Variants in PCED1B observed in about 807,000 individuals in gnomAD.
The protein encoded by PCED1B is PC-esterase domain-containing protein 1B.
For missense variants in PCED1B, 573 were observed against 573.9 expected (o/e 1.00, Z 0.02); for synonymous variants, 251 against 246.1 (o/e 1.02, Z -0.19).
intron 2 of PCED1B, among the ~76,000 whole-genome samples, chr12:47,129,766 G>C (rs1940047163): frequency 6.6e-6 from 1 of 152,182 alleles, no homozygotes; most frequent in Non-Finnish European, 1.5e-5. Flanking sequence ...ACAAAGGATG[G>C]AGAGGAGACC....
chr12:47,201,543 G>A (rs952015532), intron 2 of PCED1B, among the ~76,000 whole-genome samples: 10 of 151,962 alleles, frequency 6.6e-5, no homozygotes, highest in East Asian at 1.9e-4. Context: ...AAGGTTGGGC[G>A]TTACAATACT....
At chr12:47,204,280 T>TTATATG (rs147608459) in intron 2 of PCED1B, among the ~76,000 whole-genome samples, 31,195 of 151,984 alleles carry the variant, frequency 0.21, 4,082 homozygotes, top group Non-Finnish European at 0.3. Context: ...TTTTTTCTAA[T>TTATATG]TATGTGAAGA....
intron 2 of PCED1B, among the ~76,000 whole-genome samples, chr12:47,127,273 C>T (rs77302389): frequency 0.03 from 4,542 of 151,670 alleles, 179 homozygotes; most frequent in African/African-American, 0.088. Context: ...TTATAATTTC[C>T]GTTTGATTTC....
At chr12:47,091,515 A>G (rs920609736) in intron 1 of PCED1B, among the ~76,000 whole-genome samples, 2 of 152,046 alleles carry the variant, frequency 1.3e-5, no homozygotes, top group African/African-American at 2.4e-5. Flanking sequence ...TTTTCACTCA[A>G]TTTGGGGGAA....
chr12:47,090,900 A>T (rs1193761589), intron 1 of PCED1B, among the ~76,000 whole-genome samples: 1 of 150,326 alleles, frequency 6.7e-6, no homozygotes, highest in African/African-American at 2.5e-5. Context: ...TTGTTCCAAA[A>T]ATTGGAACAA....
chr12:47,175,551 A>AGTAT (rs34227779), intron 2 of PCED1B, among the ~76,000 whole-genome samples: 2,763 of 151,452 alleles, frequency 0.018, 34 homozygotes, highest in African/African-American at 0.036. Flanking sequence ...TACTTCTTTC[A>AGTAT]GTATGTATGT....
chr12:47,154,758 G>A (rs1249216809), intron 2 of PCED1B, among the ~76,000 whole-genome samples: 1 of 141,454 alleles, frequency 7.1e-6, no homozygotes, highest in African/African-American at 2.7e-5. Flanking sequence ...TGTAGTGTAG[G>A]ACAGAGGGGT....
At chr12:47,177,389 A>G (rs1295340188) in intron 2 of PCED1B, among the ~76,000 whole-genome samples, 1 of 152,216 alleles carries the variant, frequency 6.6e-6, no homozygotes, top group Admixed American at 6.5e-5. Context: ...ATTTTGGCTG[A>G]CTGACTGCTA....
chr12:47,229,028 T>G (rs563471274), intron 3 of PCED1B, among the ~76,000 whole-genome samples: 36 of 152,020 alleles, frequency 2.4e-4, no homozygotes, highest in African/African-American at 8.0e-4. Flanking sequence ...GCAGAACAAA[T>G]ATTGTAATCT....
Position 47,235,145 on chromosome 12 carries a change from G to A in PCED1B, c.82G>A (p.Ala28Thr). The change falls in exon 4 of 4, where the codon GCA (alanine) becomes ACA (threonine). Residue 28 changes from alanine (A) to threonine (T), a missense_variant. Coordinates refer to ENST00000546455, the MANE Select transcript of PCED1B (RefSeq NM_138371.3). ...VVILGDSVHR[A>T]VYKDLVLLLQ... ...CATCCTGGGGGACTCTGTGCATAGG[G>A]CAGTATACAAGGACCTGGTGCTTCT... The A allele has an allele frequency of 6.4e-7, 1 of 1,573,422 alleles. No individual in the cohort carries two copies. Among genetic ancestry groups the A allele is most frequent in the Non-Finnish European group, 8.6e-7 (1 of 1,159,230 alleles).
At chr12:47,190,788 G>T (rs982289573) in intron 2 of PCED1B, among the ~76,000 whole-genome samples, 3 of 152,186 alleles carry the variant, frequency 2.0e-5, no homozygotes, top group African/African-American at 7.2e-5. Context: ...ATTCAAATTG[G>T]CTACAGCATG....
Position 47,089,461 on chromosome 12 carries a change from C to CATGTATATATATATATAT in PCED1B, c.-609+9738_-609+9739insGTATATATATATATATAT, listed in dbSNP as rs1233280547. ...GACTCCATCTCAAAAAAAAAAAATA[C>CATGTATATATATATATAT]ATATATATATATATATATATATATA... On this transcript the variant is annotated intron_variant, in intron 1 of 3. Coordinates refer to ENST00000546455, the MANE Select transcript of PCED1B (RefSeq NM_138371.3). Among the ~76,000 whole-genome samples the CATGTATATATATATATAT allele has an allele frequency of 5.0e-3, 314 of 63,364 alleles. 23 individuals carry two copies. Among genetic ancestry groups the CATGTATATATATATATAT allele is most frequent in the Admixed American group, 0.012 (46 of 3,742 alleles). The allele number at this position is 63,364 out of a possible 152,430, so 41.6% of individuals were successfully genotyped here.
At chr12:47,164,804 C>T (rs1269251508) in intron 2 of PCED1B, among the ~76,000 whole-genome samples, 2 of 152,346 alleles carry the variant, frequency 1.3e-5, no homozygotes, top group East Asian at 1.9e-4. Context: ...ATGTGGACCT[C>T]GATGCTGCCA....
At chr12:47,113,985 T>C (rs1443087219) in intron 2 of PCED1B, among the ~76,000 whole-genome samples, 1 of 145,372 alleles carries the variant, frequency 6.9e-6, no homozygotes, top group African/African-American at 2.5e-5. Flanking sequence ...CACACACACA[T>C]AATTTATTTA....
At chr12:47,133,363 C>G (rs1940211195) in intron 2 of PCED1B, among the ~76,000 whole-genome samples, 1 of 152,154 alleles carries the variant, frequency 6.6e-6, no homozygotes, top group Non-Finnish European at 1.5e-5. Flanking sequence ...TGTGGCATCC[C>G]TTGTCCAGGG....
chr12:47,080,914 A>C lies in PCED1B; in HGVS notation c.-609+1189A>C, dbSNP rs543247322. Among the ~76,000 whole-genome samples, 419 of 152,090 alleles carry C rather than the reference A, an allele frequency of 2.8e-3. 5 individuals are homozygous for C. The highest frequency in any genetic ancestry group is 9.6e-3 in the African/African-American group (397 of 41,490). On this transcript the variant is annotated intron_variant, in intron 1 of 3. Transcript: ENST00000546455. ...AGCGTGCTCGTGGCGCGTGCGGGAC[A>C]GGGAAGTAAGGGGCGTGTGCGCGGA... is the stretch of plus-strand genomic sequence containing the variant.
intron 2 of PCED1B, among the ~76,000 whole-genome samples, chr12:47,214,191 A>G (rs1447298709): frequency 6.6e-6 from 1 of 152,244 alleles, no homozygotes; most frequent in Non-Finnish European, 1.5e-5. Context: ...AGATAACTTT[A>G]TTGATGGCCA....
intron 2 of PCED1B, among the ~76,000 whole-genome samples, chr12:47,171,985 GTATT>G (rs1403646773): frequency 5.3e-5 from 8 of 150,960 alleles, no homozygotes; most frequent in African/African-American, 2.0e-4. Flanking sequence ...TTCTGTCTCT[GTATT>G]TATAAGATTT....
intron 2 of PCED1B, among the ~76,000 whole-genome samples, chr12:47,194,825 C>T (rs1313648231): frequency 6.6e-6 from 1 of 152,126 alleles, no homozygotes. Context: ...TGGCTAAATT[C>T]GAGAGTAAAT....
Sources: allele counts gnomAD v4.1 joint callset (sites outside exome capture counted in the v4.1 genomes callset), GRCh38; gene constraint gnomAD v4.1.1; transcripts MANE v1.5; gene names NCBI Gene and HGNC (gene_info 2026-07-23, HGNC 2026-07-21).